Variants in DCC observed in about 807,000 individuals in gnomAD.
The protein encoded by DCC is netrin receptor DCC.
Under a neutral mutation model 172.5 loss-of-function variants are expected in DCC, and 58 were observed. That is an observed-to-expected ratio of 0.34 (90% CI 0.27 to 0.42). DCC has a LOEUF of 0.42. DCC is among the 10% of genes least tolerant of loss of function. The pLI, the probability that DCC is intolerant of heterozygous loss-of-function variation, is 1.00. For missense variants in DCC, 1,740 were observed against 1,791.0 expected, an observed-to-expected ratio of 0.97 and a Z score of 0.51; for synonymous variants, 709 against 644.5, an observed-to-expected ratio of 1.10 and a Z score of -1.52.
chr18:52,439,174 T>TTGTGTGTGTGTGTGTG (rs60983168), intron 1 of DCC, among the ~76,000 whole-genome samples: 2,203 of 144,744 alleles, frequency 0.015, 33 homozygotes, highest in South Asian at 0.025. Context: ...AAGATATGTT[T>TTGTGTGTGTGTGTGTG]TGTGTGTGTG....
At chr18:52,786,239 A>G (rs1207557705) in intron 2 of DCC, among the ~76,000 whole-genome samples, 6 of 151,898 alleles carry the variant, frequency 4.0e-5, no homozygotes, top group Non-Finnish European at 8.8e-5. Flanking sequence ...CAGGATTTGC[A>G]GGATAATTGC....
At chr18:53,401,177 C>T (rs1021085962) in intron 18 of DCC, among the ~76,000 whole-genome samples, 4 of 152,032 alleles carry the variant, frequency 2.6e-5, no homozygotes, top group African/African-American at 9.7e-5. Flanking sequence ...TTTCATTAAG[C>T]CATATATATC....
chr18:53,408,489 G>A (rs890090608), intron 19 of DCC, among the ~76,000 whole-genome samples: 3 of 152,148 alleles, frequency 2.0e-5, no homozygotes, highest in Non-Finnish European at 2.9e-5. Flanking sequence ...GAAGAGAGTC[G>A]GGTATCTGCT....
At chr18:53,028,076 C>A (rs1173572666) in intron 5 of DCC, among the ~76,000 whole-genome samples, 1 of 152,078 alleles carries the variant, frequency 6.6e-6, no homozygotes, top group Non-Finnish European at 1.5e-5. Flanking sequence ...TTTATTAAAG[C>A]CCAGGTAGCC....
chr18:53,280,013 A>G (rs750953796), intron 12 of DCC, among the ~76,000 whole-genome samples: 1 of 152,126 alleles, frequency 6.6e-6, no homozygotes, highest in Non-Finnish European at 1.5e-5. Flanking sequence ...GGGTGACAAA[A>G]TAATCTATAC....
At chr18:52,510,832 T>C (rs944148682) in intron 1 of DCC, among the ~76,000 whole-genome samples, 1 of 152,210 alleles carries the variant, frequency 6.6e-6, no homozygotes, top group Non-Finnish European at 1.5e-5. Flanking sequence ...AATCACCTAT[T>C]GTATGTTTCT....
chr18:52,502,707 T>A (rs1375392772), intron 1 of DCC, among the ~76,000 whole-genome samples: 1 of 152,174 alleles, frequency 6.6e-6, no homozygotes, highest in Non-Finnish European at 1.5e-5. Flanking sequence ...CCCTGCCACA[T>A]GCGAAGTCTA....
At chr18:53,177,309 A>G (rs1395417969) in intron 8 of DCC, among the ~76,000 whole-genome samples, 1 of 152,084 alleles carries the variant, frequency 6.6e-6, no homozygotes, top group African/African-American at 2.4e-5. Flanking sequence ...GTGCACATGT[A>G]CCCTAAAACT....
intron 1 of DCC, among the ~76,000 whole-genome samples, chr18:52,468,870 C>G (rs1988864334): frequency 6.6e-6 from 1 of 152,010 alleles, no homozygotes; most frequent in Admixed American, 6.6e-5. Context: ...TCTTGTCTAA[C>G]TGCTCCTCTC....
At chr18:52,738,867 G>T (rs2036770180) in intron 1 of DCC, among the ~76,000 whole-genome samples, 1 of 144,792 alleles carries the variant, frequency 6.9e-6, no homozygotes, top group Non-Finnish European at 1.5e-5. Context: ...AACCTGCTAG[G>T]ACTACAGGTG....
intron 2 of DCC, among the ~76,000 whole-genome samples, chr18:52,757,540 T>C (rs548857179): frequency 6.6e-6 from 1 of 152,086 alleles, no homozygotes; most frequent in South Asian, 2.1e-4. Context: ...CCCTGCACAC[T>C]CTAAGGAGCA....
rs532698952 is a variant in DCC at position 52,680,058 on chromosome 18, T to C, written c.92-71996T>C. Among the ~76,000 whole-genome samples, 13 of 152,244 alleles carry C rather than the reference T, an allele frequency of 8.5e-5. No individual in the cohort carries two copies. The East Asian group carries it at 2.5e-3, about 29-fold the overall frequency. On this transcript the variant is annotated intron_variant, in intron 1 of 28. Coordinates refer to ENST00000442544, the MANE Select transcript of DCC (RefSeq NM_005215.4). ...AAAATACATGTATTATGTGGAAGTA[T>C]TAGGCATCACATCAGGCTTAGAGAG...
At position 52,479,586 on chromosome 18, in the gene DCC, C is replaced by G. The variant is rs940699794; in HGVS notation, c.91+138708C>G. Among the ~76,000 whole-genome samples, 8 of 149,650 alleles carry G rather than the reference C, an allele frequency of 5.3e-5. No homozygotes were observed. The South Asian group carries it at 1.1e-3, about 20-fold the overall frequency. ...TCACTCCCTACCTCCCTCCACCCCC[C>G]CCCCGTCTCCCTTCCTCTCACTAAG... On this transcript the variant is annotated intron_variant, in intron 1 of 28. Coordinates refer to ENST00000442544, the MANE Select transcript of DCC (RefSeq NM_005215.4).
At chr18:52,857,184 C>T (rs773065356) in intron 2 of DCC, among the ~76,000 whole-genome samples, 8 of 152,144 alleles carry the variant, frequency 5.3e-5, no homozygotes, top group Non-Finnish European at 1.2e-4. Context: ...TAAAAACAAA[C>T]ACTAAGTAAA....
At chr18:53,042,509 G>A (rs1334487540) in intron 5 of DCC, among the ~76,000 whole-genome samples, 1 of 151,908 alleles carries the variant, frequency 6.6e-6, no homozygotes, top group African/African-American at 2.4e-5. Flanking sequence ...TCAGGATGAT[G>A]CTGGCCTCAT....
intron 1 of DCC, among the ~76,000 whole-genome samples, chr18:52,636,058 T>A (rs1377456603): frequency 6.6e-6 from 1 of 152,114 alleles, no homozygotes; most frequent in African/African-American, 2.4e-5. Flanking sequence ...GACCCTCCTC[T>A]CCTGAACACA....
intron 2 of DCC, among the ~76,000 whole-genome samples, chr18:52,808,694 G>A (rs1158400747): frequency 6.6e-6 from 1 of 152,126 alleles, no homozygotes; most frequent in Admixed American, 6.5e-5. Context: ...TTTCCCTGTT[G>A]TACGGACTCC....
chr18:52,526,428 T>A (rs1469709727), intron 1 of DCC, among the ~76,000 whole-genome samples: 1 of 151,826 alleles, frequency 6.6e-6, no homozygotes, highest in East Asian at 1.9e-4. Flanking sequence ...TGCAAGGGGC[T>A]AGAAAACCTG....
chr18:53,495,255 G>A (rs943578421), intron 26 of DCC, among the ~76,000 whole-genome samples: 2 of 151,994 alleles, frequency 1.3e-5, no homozygotes, highest in African/African-American at 4.8e-5. Context: ...AGCTGAGCAT[G>A]GTGGTGGGCA....
Sources: allele counts gnomAD v4.1 joint callset (sites outside exome capture counted in the v4.1 genomes callset), GRCh38; gene constraint gnomAD v4.1.1; transcripts MANE v1.5; gene names NCBI Gene and HGNC (gene_info 2026-07-23, HGNC 2026-07-21).